The following ARHGAP6 variants were observed in gnomAD, a reference collection of about 807,000 sequenced individuals.
ARHGAP6 encodes the protein Rho GTPase activating protein 6, also known as rho GTPase-activating protein 6.
Under a neutral mutation model 55.7 loss-of-function variants are expected in ARHGAP6, and 16 were observed. The observed-to-expected ratio is 0.29, with a 90% CI of 0.19 to 0.44. The LOEUF is 0.44. ARHGAP6 is among the 20% of genes least tolerant of loss of function. The pLI, the probability that ARHGAP6 is intolerant of heterozygous loss-of-function variation, is 1.00. For missense variants in ARHGAP6, 698 were observed against 808.9 expected (o/e 0.86, Z 1.66); for synonymous variants, 382 against 360.9 (o/e 1.06, Z -0.66).
intron 1 of ARHGAP6, among the ~76,000 whole-genome samples, chrX:11,293,880 A>G (rs971554505): frequency 3.6e-4 from 40 of 112,349 alleles, no homozygotes; most frequent in Non-Finnish European, 4.9e-4. Context: ...GGAGTTAGAA[A>G]ACTTTAGTGT....
At chrX:11,482,254 C>G (rs1029501466) in intron 1 of ARHGAP6, among the ~76,000 whole-genome samples, 38 of 111,926 alleles carry the variant, frequency 3.4e-4, no homozygotes, top group Middle Eastern at 4.6e-3. Context: ...AGGAGAAACT[C>G]TACTCTCAGC....
At chrX:11,651,094 A>C (rs1334392553) in intron 1 of ARHGAP6, among the ~76,000 whole-genome samples, 2 of 111,969 alleles carry the variant, frequency 1.8e-5, no homozygotes, top group Non-Finnish European at 3.8e-5. Context: ...GACTCATTGC[A>C]TCAGCAGCGG....
At chrX:11,441,431 T>C (rs1221094499) in intron 1 of ARHGAP6, among the ~76,000 whole-genome samples, 3 of 111,782 alleles carry the variant, frequency 2.7e-5, no homozygotes, top group Non-Finnish European at 5.6e-5. Flanking sequence ...CAGAATAATT[T>C]GCTTTTCCTA....
chrX:11,417,052 G>T (rs1164795460), intron 1 of ARHGAP6, among the ~76,000 whole-genome samples: 2 of 64,928 alleles, frequency 3.1e-5, no homozygotes, highest in Admixed American at 4.0e-4. Flanking sequence ...CTTTATATGG[G>T]TGTGTACATA....
At chrX:11,626,160 C>CA (rs1339443015) in intron 1 of ARHGAP6, among the ~76,000 whole-genome samples, 1 of 110,964 alleles carries the variant, frequency 9.0e-6, no homozygotes, top group Non-Finnish European at 1.9e-5. Context: ...AATACAAATA[C>CA]AATAAAATCT....
chrX:11,456,025 C>T (rs140148395), intron 1 of ARHGAP6, among the ~76,000 whole-genome samples: 9,002 of 111,601 alleles, frequency 0.081, 382 homozygotes, highest in East Asian at 0.18. Flanking sequence ...AAGGTGGCTG[C>T]AATAATTTCA....
intron 1 of ARHGAP6, among the ~76,000 whole-genome samples, chrX:11,555,749 AAAC>A (rs1026778539): frequency 6.3e-5 from 7 of 111,133 alleles, no homozygotes; most frequent in East Asian, 2.8e-4. Flanking sequence ...TCCATCTCAA[AAAC>A]AACAACAACA....
At chrX:11,586,890 C>T (rs1355467881) in intron 1 of ARHGAP6, among the ~76,000 whole-genome samples, 1 of 111,665 alleles carries the variant, frequency 9.0e-6, no homozygotes, top group Non-Finnish European at 1.9e-5. Context: ...CTTTCACCTC[C>T]TTAGTTAGTT....
intron 1 of ARHGAP6, among the ~76,000 whole-genome samples, chrX:11,380,185 A>G (rs2049246120): frequency 8.9e-6 from 1 of 111,948 alleles, no homozygotes; most frequent in Admixed American, 9.5e-5. Flanking sequence ...TACCTAATTC[A>G]ATTTAAGGTT....
At chrX:11,442,686 C>A (rs747049705) in intron 1 of ARHGAP6, among the ~76,000 whole-genome samples, 2 of 112,393 alleles carry the variant, frequency 1.8e-5, no homozygotes, top group South Asian at 7.4e-4. Flanking sequence ...TAATCCACTG[C>A]AGTTTAGACA....
chrX:11,549,473 G>C (rs2147081997), intron 1 of ARHGAP6, among the ~76,000 whole-genome samples: 1 of 112,170 alleles, frequency 8.9e-6, no homozygotes, highest in East Asian at 2.8e-4. Flanking sequence ...ATTCTCAAAA[G>C]AAGGAAAGCA....
At chrX:11,282,059 T>C (rs1423377575) in intron 1 of ARHGAP6, among the ~76,000 whole-genome samples, 1 of 112,077 alleles carries the variant, frequency 8.9e-6, no homozygotes, top group Non-Finnish European at 1.9e-5. Context: ...TGGGTTGCTC[T>C]ACATTCAAAT....
At chrX:11,199,076 A>G (rs1449081567) in intron 2 of ARHGAP6, among the ~76,000 whole-genome samples, 1 of 112,262 alleles carries the variant, frequency 8.9e-6, no homozygotes, top group Non-Finnish European at 1.9e-5. Flanking sequence ...TTGTTCACCA[A>G]CACTTCATGA....
intron 1 of ARHGAP6, among the ~76,000 whole-genome samples, chrX:11,295,352 T>C (rs1296051031): frequency 8.9e-6 from 1 of 111,736 alleles, no homozygotes; most frequent in Non-Finnish European, 1.9e-5. Flanking sequence ...ACATTCCTGT[T>C]CTCAGAGGCC....
At chrX:11,274,194 A>G (rs2047728090) in intron 1 of ARHGAP6, among the ~76,000 whole-genome samples, 2 of 111,884 alleles carry the variant, frequency 1.8e-5, no homozygotes, top group Admixed American at 1.9e-4. Context: ...TTTTCTTACA[A>G]ATATTCTAAA....
chrX:11,381,747 T>C (rs761828733), intron 1 of ARHGAP6, among the ~76,000 whole-genome samples: 4 of 112,113 alleles, frequency 3.6e-5, no homozygotes, highest in Non-Finnish European at 7.5e-5. Context: ...TTTTAGTTAC[T>C]TCCTACCAGA....
chrX:11,355,661 T>C (rs2048921957), intron 1 of ARHGAP6, among the ~76,000 whole-genome samples: 1 of 112,071 alleles, frequency 8.9e-6, no homozygotes, highest in Admixed American at 9.4e-5. Flanking sequence ...CATCTGATTA[T>C]CCATTCTGAA....
chrX:11,540,650 A>C (rs1025861658), intron 1 of ARHGAP6, among the ~76,000 whole-genome samples: 1 of 112,338 alleles, frequency 8.9e-6, no homozygotes, highest in Admixed American at 9.4e-5. Context: ...TTCATTGTTG[A>C]AGATGGCTTA....
intron 1 of ARHGAP6, among the ~76,000 whole-genome samples, chrX:11,634,076 A>ATT (rs35973352): frequency 0.012 from 1,070 of 90,774 alleles, 18 homozygotes; most frequent in African/African-American, 0.04. Context: ...GTGCTTGGCT[A>ATT]TTTTTTTTTT....
Sources: allele counts gnomAD v4.1 joint callset (sites outside exome capture counted in the v4.1 genomes callset), GRCh38; gene constraint gnomAD v4.1.1; transcripts MANE v1.5; gene names NCBI Gene and HGNC (gene_info 2026-07-23, HGNC 2026-07-21).